The following DLG2 variants were observed in gnomAD, a reference collection of about 807,000 sequenced individuals.
The protein encoded by DLG2 is disks large homolog 2.
Under a neutral mutation model 132.5 loss-of-function variants are expected in DLG2, and 45 were observed. That is an observed-to-expected ratio of 0.34 (90% confidence interval 0.27 to 0.44). The LOEUF is 0.44. DLG2 is among the 20% of genes least tolerant of loss of function. The pLI is 1.00. For synonymous variants in DLG2, 424 were observed against 419.6 expected, an observed-to-expected ratio of 1.01 and a Z score of -0.13; for missense variants, 1,045 against 1,196.9, an observed-to-expected ratio of 0.87 and a Z score of 1.87.
chr11:83,848,124 C>CTTT (rs34648391), intron 16 of DLG2, among the ~76,000 whole-genome samples: 9 of 132,822 alleles, frequency 6.8e-5, no homozygotes, highest in Admixed American at 1.5e-4. Flanking sequence ...TCCCCCACAC[C>CTTT]TTTTTTTTTT....
chr11:84,591,223 C>CTCTGTCTGTGTG (rs1555073566), intron 6 of DLG2, among the ~76,000 whole-genome samples: 4 of 139,288 alleles, frequency 2.9e-5, no homozygotes, highest in African/African-American at 1.1e-4. Flanking sequence ...ATGTGTCTCT[C>CTCTGTCTGTGTG]TGTGTGTGTG....
At chr11:84,831,668 C>T (rs2079072300) in intron 6 of DLG2, among the ~76,000 whole-genome samples, 1 of 151,466 alleles carries the variant, frequency 6.6e-6, no homozygotes, top group African/African-American at 2.4e-5. Context: ...TCAACACTGC[C>T]TAATAAACAT....
At chr11:84,025,359 A>G (rs1173205545) in intron 11 of DLG2, among the ~76,000 whole-genome samples, 1 of 152,044 alleles carries the variant, frequency 6.6e-6, no homozygotes, top group Admixed American at 6.6e-5. Flanking sequence ...TATCACAACA[A>G]CAGCACAGGA....
chr11:84,250,147 C>T (rs1249466439), intron 8 of DLG2, among the ~76,000 whole-genome samples: 1 of 152,146 alleles, frequency 6.6e-6, no homozygotes, highest in African/African-American at 2.4e-5. Context: ...AAATTAGTTG[C>T]CTGTATTTAG....
rs78572641 is a variant in DLG2 at position 85,132,070 on chromosome 11, G to A, written c.283-20335C>T. ...AATACATTATTTAGAACTGATGACA[G>A]AATAAAATAAAATGCTTTTGAAATG... On this transcript the variant is annotated intron_variant, in intron 5 of 27. Coordinates refer to ENST00000376104, the MANE Select transcript of DLG2 (RefSeq NM_001142699.3). 7.8e-4 allele frequency among the ~76,000 whole-genome samples: 119 copies of A among 152,112 alleles called. 1 individual carries two copies. The East Asian group carries it at 0.012, about 15-fold the overall frequency.
At chr11:84,924,697 T>A (rs1412795042) in intron 6 of DLG2, among the ~76,000 whole-genome samples, 1 of 152,182 alleles carries the variant, frequency 6.6e-6, no homozygotes, top group Non-Finnish European at 1.5e-5. Flanking sequence ...TGCCTTTTTT[T>A]AGGAAGAAAA....
chr11:84,042,189 C>A (rs964548451), intron 11 of DLG2, among the ~76,000 whole-genome samples: 1 of 151,890 alleles, frequency 6.6e-6, no homozygotes, highest in Non-Finnish European at 1.5e-5. Flanking sequence ...ACTTATTGAA[C>A]AATCCATTTT....
intron 6 of DLG2, among the ~76,000 whole-genome samples, chr11:84,924,511 A>C (rs1046904862): frequency 3.3e-5 from 5 of 152,204 alleles, no homozygotes; most frequent in African/African-American, 1.2e-4. Context: ...CATCAGAGTT[A>C]CTGGGCATTT....
intron 7 of DLG2, chr11:84,273,057 C>A: frequency 2.8e-6 from 3 of 1,086,414 alleles, no homozygotes; most frequent in Non-Finnish European, 3.7e-6. Context: ...TCATCAAATG[C>A]ACAGAATTTA....
intron 6 of DLG2, among the ~76,000 whole-genome samples, chr11:84,653,479 C>T (rs1321173360): frequency 6.6e-6 from 1 of 152,126 alleles, no homozygotes; most frequent in Non-Finnish European, 1.5e-5. Context: ...TTTCCATATT[C>T]CTGCCTCCAG....
At chr11:83,657,808 G>A (rs1330795526) in intron 18 of DLG2, among the ~76,000 whole-genome samples, 1 of 152,086 alleles carries the variant, frequency 6.6e-6, no homozygotes, top group African/African-American at 2.4e-5. Context: ...CCAAAGTGCT[G>A]GGATTACAGG....
intron 3 of DLG2, among the ~76,000 whole-genome samples, chr11:85,479,604 C>G (rs1194629828): frequency 2.0e-5 from 3 of 152,178 alleles, no homozygotes; most frequent in African/African-American, 2.4e-5. Context: ...TGCTCAACCT[C>G]TCTACTTATC....
At chr11:85,413,660 T>A (rs754302224) in intron 3 of DLG2, among the ~76,000 whole-genome samples, 20 of 151,992 alleles carry the variant, frequency 1.3e-4, no homozygotes, top group South Asian at 4.1e-4. Flanking sequence ...TTGAAAAAGG[T>A]GTCCTTTCCA....
At chr11:83,914,537 G>T (rs551231236) in intron 15 of DLG2, among the ~76,000 whole-genome samples, 1 of 152,256 alleles carries the variant, frequency 6.6e-6, no homozygotes, top group Non-Finnish European at 1.5e-5. Flanking sequence ...GAAGTACTTA[G>T]CTTACCATGG....
At chr11:84,360,589 A>G (rs1310808901) in intron 7 of DLG2, among the ~76,000 whole-genome samples, 1 of 151,988 alleles carries the variant, frequency 6.6e-6, no homozygotes, top group Non-Finnish European at 1.5e-5. Context: ...AGAGAAAGAA[A>G]TACGGGACTC....
intron 18 of DLG2, among the ~76,000 whole-genome samples, chr11:83,644,961 T>C (rs2067705168): frequency 5.9e-5 from 9 of 152,064 alleles, no homozygotes; most frequent in Admixed American, 4.6e-4. Context: ...AAGGGATATA[T>C]TATATTTGTC....
chr11:84,633,925 G>C (rs1435706815), intron 6 of DLG2, among the ~76,000 whole-genome samples: 3 of 152,112 alleles, frequency 2.0e-5, no homozygotes, highest in Non-Finnish European at 4.4e-5. Context: ...GTAATCACGG[G>C]CAACTTCCTG....
intron 3 of DLG2, among the ~76,000 whole-genome samples, chr11:85,590,376 T>C (rs1309539005): frequency 1.3e-5 from 2 of 152,092 alleles, no homozygotes; most frequent in Non-Finnish European, 2.9e-5. Flanking sequence ...CATAGAAACA[T>C]AAGGGAAGAA....
At chr11:84,083,274 C>T (rs1306959647) in intron 10 of DLG2, among the ~76,000 whole-genome samples, 1 of 152,044 alleles carries the variant, frequency 6.6e-6, no homozygotes, top group Non-Finnish European at 1.5e-5. Flanking sequence ...AGCAAGACTC[C>T]ATCTTGGAAA....
Sources: gnomAD v4.1 joint callset for allele counts (sites outside exome capture counted in the v4.1 genomes callset) on GRCh38, gnomAD v4.1.1 for gene constraint, MANE v1.5 for transcripts, NCBI Gene and HGNC (gene_info 2026-07-23, HGNC 2026-07-21) for gene names.